CDKAL1: variants seen among roughly 807,000 people sequenced by gnomAD.
The protein encoded by CDKAL1 is threonylcarbamoyladenosine tRNA methylthiotransferase.
CDKAL1 carries 32 observed loss-of-function variants against 68.2 expected under a neutral mutation model. The ratio of observed to expected loss-of-function variants is 0.47; its 90% CI spans 0.35 to 0.63. The LOEUF is 0.63. CDKAL1 is among the 30% of genes least tolerant of loss of function. The probability of loss-of-function intolerance (pLI) is 0.00; values close to 1 mark genes in which losing one functional copy is unlikely to be tolerated. For synonymous variants in CDKAL1, 234 were observed against 244.3 expected, an observed-to-expected ratio of 0.96 and a Z score of 0.39; for missense variants, 606 against 696.7, an observed-to-expected ratio of 0.87 and a Z score of 1.47.
intron 12 of CDKAL1, among the ~76,000 whole-genome samples, chr6:21,087,393 ACAAACACAGCTCCCTGCAGCCT>A (rs1413810732): frequency 6.6e-6 from 1 of 152,120 alleles, no homozygotes; most frequent in East Asian, 1.9e-4. Context: ...GTGCAGTGGC[ACAAACACAGCTCCCTGCAGCCT>A]CAAACTTGGG....
intron 9 of CDKAL1, among the ~76,000 whole-genome samples, chr6:20,862,680 C>T (rs765287815): frequency 3.7e-4 from 57 of 152,010 alleles, no homozygotes; most frequent in South Asian, 1.0e-3. Flanking sequence ...TGCATGCGCG[C>T]GTGCGCATAT....
intron 5 of CDKAL1, among the ~76,000 whole-genome samples, chr6:20,681,785 G>T (rs1053682335): frequency 6.6e-5 from 10 of 152,108 alleles, no homozygotes; most frequent in African/African-American, 2.4e-4. Flanking sequence ...GGATAGTATC[G>T]ATACTGCCTC....
At chr6:20,917,610 G>T (rs1043492778) in intron 9 of CDKAL1, among the ~76,000 whole-genome samples, 1 of 152,072 alleles carries the variant, frequency 6.6e-6, no homozygotes, top group African/African-American at 2.4e-5. Context: ...CGGTGCACCT[G>T]TACACTATAC....
At chr6:20,843,675 A>T (rs1202302179) in intron 8 of CDKAL1, among the ~76,000 whole-genome samples, 1 of 152,072 alleles carries the variant, frequency 6.6e-6, no homozygotes, top group Non-Finnish European at 1.5e-5. Context: ...CAGGTGTGGA[A>T]TTTTTTTCTT....
chr6:20,754,556 T>A (rs1010460887), intron 6 of CDKAL1, among the ~76,000 whole-genome samples: 1 of 152,248 alleles, frequency 6.6e-6, no homozygotes, highest in African/African-American at 2.4e-5. Context: ...CTAATGATGT[T>A]GAGCATCTTT....
chr6:20,547,191 A>G (rs1177459574), intron 3 of CDKAL1, among the ~76,000 whole-genome samples: 4 of 150,366 alleles, frequency 2.7e-5, no homozygotes, highest in Admixed American at 6.6e-5. Context: ...CTCAACCTGT[A>G]TGTAGATTTT....
At chr6:20,716,415 G>T (rs757735234) in intron 5 of CDKAL1, among the ~76,000 whole-genome samples, 6 of 152,122 alleles carry the variant, frequency 3.9e-5, no homozygotes, top group Non-Finnish European at 8.8e-5. Flanking sequence ...TTATCCTGCT[G>T]TTGGACAGAA....
At chr6:20,751,059 T>A (rs1296965913) in intron 6 of CDKAL1, among the ~76,000 whole-genome samples, 2 of 148,364 alleles carry the variant, frequency 1.3e-5, no homozygotes, top group Non-Finnish European at 3.0e-5. Flanking sequence ...GAAGTGTCAG[T>A]GTAGAGCATG....
chr6:21,066,962 T>C (rs1426535535), intron 12 of CDKAL1, among the ~76,000 whole-genome samples: 2 of 152,182 alleles, frequency 1.3e-5, no homozygotes, highest in Non-Finnish European at 2.9e-5. Context: ...ATCTTCTCCC[T>C]CCATTCACAC....
chr6:20,574,706 C>T (rs1052350719), intron 4 of CDKAL1, among the ~76,000 whole-genome samples: 1 of 152,110 alleles, frequency 6.6e-6, no homozygotes, highest in Non-Finnish European at 1.5e-5. Context: ...GTTTGGGGCT[C>T]TTGCTGGATT....
chr6:20,710,856 A>T (rs1343441374), intron 5 of CDKAL1, among the ~76,000 whole-genome samples: 1 of 152,212 alleles, frequency 6.6e-6, no homozygotes, highest in African/African-American at 2.4e-5. Flanking sequence ...TTATGATATT[A>T]TGGAGAAAAT....
At chr6:20,728,680 G>A (rs897594106) in intron 5 of CDKAL1, among the ~76,000 whole-genome samples, 1 of 152,186 alleles carries the variant, frequency 6.6e-6, no homozygotes, top group African/African-American at 2.4e-5. Flanking sequence ...TTCATAAAAC[G>A]AAATGACAGG....
chr6:20,626,960 A>G (rs1046287036), intron 4 of CDKAL1, among the ~76,000 whole-genome samples: 1 of 152,210 alleles, frequency 6.6e-6, no homozygotes, highest in African/African-American at 2.4e-5. Flanking sequence ...TGGCTTTTCT[A>G]GCCTCTACTG....
intron 9 of CDKAL1, among the ~76,000 whole-genome samples, chr6:20,863,111 A>G (rs1759732536): frequency 6.6e-6 from 1 of 152,160 alleles, no homozygotes; most frequent in Non-Finnish European, 1.5e-5. Context: ...TTAACATGCA[A>G]ATTTTATTTT....
intron 4 of CDKAL1, among the ~76,000 whole-genome samples, chr6:20,554,968 TAG>T (rs1453542215): frequency 6.6e-6 from 1 of 152,384 alleles, no homozygotes; most frequent in Admixed American, 6.5e-5. Context: ...TAAGTCAGAA[TAG>T]AGTGTTTAGC....
chr6:20,645,575 C>T (rs1428118540), intron 4 of CDKAL1, among the ~76,000 whole-genome samples: 1 of 151,704 alleles, frequency 6.6e-6, no homozygotes, highest in Non-Finnish European at 1.5e-5. Context: ...ACTAAAAATA[C>T]AAAAAGTTAG....
intron 10 of CDKAL1, among the ~76,000 whole-genome samples, chr6:20,988,074 T>C (rs145929451): frequency 2.0e-5 from 3 of 151,884 alleles, no homozygotes; most frequent in African/African-American, 7.3e-5. Flanking sequence ...TGTGAGTCAC[T>C]GCATCCAGCC....
intron 13 of CDKAL1, among the ~76,000 whole-genome samples, chr6:21,147,481 A>G (rs1776235522): frequency 6.6e-6 from 1 of 152,198 alleles, no homozygotes; most frequent in Non-Finnish European, 1.5e-5. Flanking sequence ...AATAAGAATA[A>G]CAAATGCTAA....
chr6:20,733,011 G>A (rs1454619873), intron 5 of CDKAL1, among the ~76,000 whole-genome samples: 1 of 152,148 alleles, frequency 6.6e-6, no homozygotes, highest in Non-Finnish European at 1.5e-5. Flanking sequence ...TGGAAACACA[G>A]TAACAGGTGG....
Sources: allele counts gnomAD v4.1 joint callset (sites outside exome capture counted in the v4.1 genomes callset), GRCh38; gene constraint gnomAD v4.1.1; transcripts MANE v1.5; gene names NCBI Gene and HGNC (gene_info 2026-07-23, HGNC 2026-07-21).